NBAS: variants seen among roughly 807,000 people sequenced by gnomAD.
The protein encoded by NBAS is NAG/BC035112 fusion.
A neutral mutation model predicts 302.5 loss-of-function variants in NBAS; 219 were observed. That is an observed-to-expected ratio of 0.72 (90% CI 0.65 to 0.81). The LOEUF (loss-of-function observed/expected upper bound fraction) is 0.81. Among genes scored for constraint, NBAS ranks in the 30% least tolerant of loss-of-function variants. The pLI is 0.00. For missense variants in NBAS, 2,932 were observed against 2,841.6 expected (o/e 1.03, Z -0.72); for synonymous variants, 1,118 against 1,021.6 (o/e 1.09, Z -1.80).
the NBAS span, among the ~76,000 whole-genome samples, chr2:15,036,432 A>T: frequency 6.6e-6 from 1 of 152,208 alleles, no homozygotes; most frequent in African/African-American, 2.4e-5. Flanking sequence ...GAAAGACACA[A>T]TCCCTGCAAG....
intron 28 of NBAS, among the ~76,000 whole-genome samples, chr2:15,390,366 T>C (rs1675530134): frequency 6.6e-6 from 1 of 152,216 alleles, no homozygotes. Context: ...AAATATTGCA[T>C]GTTTTCACTT....
intron 9 of NBAS, among the ~76,000 whole-genome samples, chr2:15,518,871 A>T (rs1050079036): frequency 4.6e-5 from 7 of 152,050 alleles, no homozygotes; most frequent in Admixed American, 1.3e-4. Flanking sequence ...CCATTTTTTT[A>T]AAATCATCAG....
chr2:15,367,694 G>A (rs1160296635), intron 31 of NBAS, among the ~76,000 whole-genome samples: 2 of 152,076 alleles, frequency 1.3e-5, no homozygotes, highest in African/African-American at 4.8e-5. Context: ...TATATCTTGT[G>A]TTCTCTCAAA....
At chr2:15,490,138 C>T (rs569548112) in intron 11 of NBAS, among the ~76,000 whole-genome samples, 1 of 152,102 alleles carries the variant, frequency 6.6e-6, no homozygotes, top group African/African-American at 2.4e-5. Context: ...TGAAACATGA[C>T]TATACTGAAA....
At chr2:15,034,778 T>C in the NBAS span, among the ~76,000 whole-genome samples, 1 of 152,154 alleles carries the variant, frequency 6.6e-6, no homozygotes, top group East Asian at 1.9e-4. Flanking sequence ...TCAAGCAGAA[T>C]ACTATAGGAC....
At chr2:15,344,903 A>G (rs1481968214) in intron 35 of NBAS, among the ~76,000 whole-genome samples, 1 of 152,198 alleles carries the variant, frequency 6.6e-6, no homozygotes, top group African/African-American at 2.4e-5. Context: ...AGAACCAATG[A>G]CAAAAACCAC....
intron 21 of NBAS, among the ~76,000 whole-genome samples, chr2:15,441,024 A>ATG: frequency 6.6e-6 from 1 of 152,200 alleles, no homozygotes; most frequent in African/African-American, 2.4e-5. Flanking sequence ...CCAAATCTGC[A>ATG]TCTGATTGGT....
intron 22 of NBAS, among the ~76,000 whole-genome samples, chr2:15,426,717 T>C (rs1329063938): frequency 6.6e-6 from 1 of 152,248 alleles, no homozygotes; most frequent in African/African-American, 2.4e-5. Flanking sequence ...GTGTATGTGG[T>C]ATCACTTTCT....
intron 21 of NBAS, among the ~76,000 whole-genome samples, chr2:15,446,820 CTA>C (rs987249402): frequency 1.0e-4 from 15 of 150,646 alleles, no homozygotes; most frequent in African/African-American, 3.4e-4. Context: ...TACTAGTAAA[CTA>C]TTTGAAGTTA....
intron 44 of NBAS, among the ~76,000 whole-genome samples, chr2:15,273,327 A>G (rs1290332896): frequency 6.6e-6 from 1 of 152,200 alleles, no homozygotes; most frequent in East Asian, 1.9e-4. Flanking sequence ...TTTCTCATTT[A>G]GATTCAGCCC....
the NBAS span, among the ~76,000 whole-genome samples, chr2:14,894,571 C>T: frequency 1.4e-4 from 22 of 151,740 alleles, no homozygotes; most frequent in Non-Finnish European, 2.2e-4. Context: ...TATAATATGA[C>T]TCCTCTGTGA....
intron 48 of NBAS, among the ~76,000 whole-genome samples, chr2:15,210,557 G>A (rs1666359165): frequency 6.6e-6 from 1 of 152,132 alleles, no homozygotes; most frequent in Admixed American, 6.5e-5. Flanking sequence ...ATGGAGAAGA[G>A]TTTGGAAGTT....
At chr2:15,452,900 C>T (rs567663320) in intron 21 of NBAS, among the ~76,000 whole-genome samples, 2 of 152,282 alleles carry the variant, frequency 1.3e-5, no homozygotes, top group Admixed American at 1.3e-4. Flanking sequence ...CAGTCATTAA[C>T]CATCATTTCA....
intron 21 of NBAS, among the ~76,000 whole-genome samples, chr2:15,446,276 A>T (rs1024737397): frequency 6.6e-6 from 1 of 152,204 alleles, no homozygotes; most frequent in African/African-American, 2.4e-5. Flanking sequence ...GCTCAAAACT[A>T]GTTATAAATA....
chr2:14,985,020 CTT>C, the NBAS span, among the ~76,000 whole-genome samples: 1 of 152,134 alleles, frequency 6.6e-6, no homozygotes, highest in East Asian at 1.9e-4. Context: ...TTCATGAAAA[CTT>C]CGTGAAATTA....
intron 46 of NBAS, among the ~76,000 whole-genome samples, 161 bp downstream of exon 46, chr2:15,234,384 C>T (rs555737798): frequency 4.6e-5 from 7 of 152,296 alleles, no homozygotes; most frequent in African/African-American, 1.7e-4. Flanking sequence ...CATGGTCTCC[C>T]TTCTGAAGAC....
the NBAS span, among the ~76,000 whole-genome samples, chr2:15,026,564 G>A: frequency 1.3e-5 from 2 of 150,502 alleles, no homozygotes; most frequent in Non-Finnish European, 3.0e-5. Context: ...AATCACATTT[G>A]TTGATTTGTG....
intron 25 of NBAS, among the ~76,000 whole-genome samples, chr2:15,413,070 C>T (rs542246891): frequency 1.3e-5 from 2 of 152,332 alleles, no homozygotes; most frequent in East Asian, 1.9e-4. Flanking sequence ...ACTTGCGTAA[C>T]CTCCTCTTTC....
At chr2:15,259,584 T>C (rs566558656) in intron 44 of NBAS, among the ~76,000 whole-genome samples, 2 of 152,336 alleles carry the variant, frequency 1.3e-5, no homozygotes, top group South Asian at 2.1e-4. Flanking sequence ...GTGTGTTTCC[T>C]GAAGGACCTG....
Sources: gnomAD v4.1 joint callset for allele counts (sites outside exome capture counted in the v4.1 genomes callset) on GRCh38, gnomAD v4.1.1 for gene constraint, MANE v1.5 for transcripts, NCBI Gene and HGNC (gene_info 2026-07-23, HGNC 2026-07-21) for gene names.